Variants in NLRP5 observed in about 807,000 individuals in gnomAD.
NLRP5 encodes NACHT, LRR and PYD domains-containing protein 5.
Under a neutral mutation model 113.1 loss-of-function variants are expected in NLRP5, and 93 were observed. That is an observed-to-expected ratio of 0.82 (90% confidence interval 0.70 to 0.98). The LOEUF (loss-of-function observed/expected upper bound fraction) is 0.98, where lower values mean the gene tolerates loss of function less well. NLRP5 is among the 50% of genes least tolerant of loss of function. The pLI, the probability that NLRP5 is intolerant of heterozygous loss-of-function variation, is 0.00. For missense variants in NLRP5, 1,808 were observed against 1,514.3 expected (o/e 1.19, Z -3.22); for synonymous variants, 751 against 600.7 (o/e 1.25, Z -3.66).
rs1158853254 is a variant in NLRP5, at chr19:56,058,223, G to C, written c.3300-17G>C. On this transcript the variant is annotated splice_polypyrimidine_tract_variant and intron_variant, in intron 13 of 14. Coordinates refer to ENST00000390649, the MANE Select transcript of NLRP5 (RefSeq NM_153447.4). ...ATCGATCTTTGGGGTTATTTTCTGGGTGTCCTGACCCTGCAGGTTGAAGGC... is the reference window on the plus strand; with the variant it reads ...ATCGATCTTTGGGGTTATTTTCTGGCTGTCCTGACCCTGCAGGTTGAAGGC... 1 of 1,597,094 alleles carries C rather than the reference G, an allele frequency of 6.3e-7. No individual in the cohort carries two copies. The highest frequency in any genetic ancestry group is 1.3e-5 in the African/African-American group (1 of 74,430).
chr19:55,992,855 CTTT>C, the NLRP5 span, among the ~76,000 whole-genome samples: 1 of 149,968 alleles, frequency 6.7e-6, no homozygotes, highest in African/African-American at 2.5e-5. Flanking sequence ...TTTATGGAGA[CTTT>C]TTTTTTTTGA....
chr19:56,009,653 C>T (rs1012610222), intron 3 of NLRP5, among the ~76,000 whole-genome samples: 3 of 152,114 alleles, frequency 2.0e-5, no homozygotes, highest in Admixed American at 1.3e-4. Flanking sequence ...ACTAAGATGA[C>T]ACAAGGGAAG....
rs770270582 is a variant in NLRP5 at position 56,003,836 on chromosome 19, C to T, written c.183C>T (p.Ser61=). 8.1e-6 allele frequency: 13 copies of T among 1,613,874 alleles called. No individual in the cohort carries two copies. Among genetic ancestry groups the T allele is most frequent in the Non-Finnish European group, 1.0e-5 (12 of 1,179,904 alleles). ...AAGGAGACAAATCGCTCACCTTTTC[C>T]AGCTACGGGCTGCAATGGTGTCTCT... is the stretch of plus-strand genomic sequence containing the variant. Residue 61 remains serine, a synonymous_variant, in exon 2 of 15, where the codon TCC becomes TCT. Coordinates refer to ENST00000390649, the MANE Select transcript of NLRP5 (RefSeq NM_153447.4).
chr19:55,994,730 C>G (rs891779443), upstream of NLRP5, among the ~76,000 whole-genome samples: 4 of 152,192 alleles, frequency 2.6e-5, no homozygotes, highest in South Asian at 8.3e-4. Flanking sequence ...ATTTCCTTTG[C>G]TGTACAGAAG....
At chr19:56,059,220 C>G (rs1984264908) in intron 14 of NLRP5, among the ~76,000 whole-genome samples, 1 of 152,212 alleles carries the variant, frequency 6.6e-6, no homozygotes, top group African/African-American at 2.4e-5. Flanking sequence ...ATCATTTCAG[C>G]TTCCCCTCTC....
Position 56,061,569 on chromosome 19 carries a change from G to C in NLRP5, c.*41G>C. 1 of 1,611,050 alleles carries C rather than the reference G, an allele frequency of 6.2e-7. No homozygotes were observed. The highest frequency in any genetic ancestry group is 8.5e-7 in the Non-Finnish European group (1 of 1,177,988). ...CCCCACTCACACCCATCTGATGGAG[G>C]AACTTTAAACGCTGTTTTCTCAGAG... On this transcript the variant is annotated 3_prime_UTR_variant, in exon 15 of 15. Transcript: ENST00000390649.
chr19:56,040,993 T>A lies in NLRP5; in HGVS notation c.2858T>A (p.Leu953Ter). The change falls in exon 11 of 15, where the codon TTG becomes TAG. Residue 953 changes from leucine (L) to a stop codon, truncating the protein, a stop_gained. Coordinates refer to ENST00000390649, the MANE Select transcript of NLRP5 (RefSeq NM_153447.4). LOFTEE classifies it high-confidence loss of function. ...TCAGCCCTCGTCAGCAACCGGAGCT[T>A]GACACACCTGTGCCTATCCAACAAC... The A allele has an allele frequency of 6.2e-7, 1 of 1,613,920 alleles. No individual in the cohort carries two copies. Among genetic ancestry groups the A allele is most frequent in the South Asian group, 1.1e-5 (1 of 91,078 alleles).
chr19:56,032,892 A>G (rs911046936), intron 8 of NLRP5, 111 bp downstream of exon 8: 7 of 1,063,974 alleles, frequency 6.6e-6, no homozygotes, highest in Non-Finnish European at 9.5e-6. Flanking sequence ...CTGAGGGCAT[A>G]AGTGCCACCA....
Position 56,020,283 on chromosome 19 carries a change from T to C in NLRP5, c.623-92T>C, listed in dbSNP as rs55999575. ...GTCATGTTTTCAACTGGCCAGAAAA[T>C]AAATATGGCATGACTAAGCTTATCT... is the stretch of plus-strand genomic sequence containing the variant. On this transcript the variant is annotated intron_variant, in intron 5 of 14. Coordinates refer to ENST00000390649, the MANE Select transcript of NLRP5 (RefSeq NM_153447.4). 5.3e-3 allele frequency: 7,907 copies of C among 1,488,074 alleles called. 367 individuals are homozygous for C. The African/African-American group carries it at 0.098, about 18-fold the overall frequency. 92.2% of individuals were successfully genotyped at this position (1,488,074 alleles called of 1,614,324 possible).
Position 56,041,092 on chromosome 19 carries a change from T to A in NLRP5, c.2957T>A (p.Met986Lys), listed in dbSNP as rs200615684. The change falls in exon 11 of 15, where the codon ATG (methionine) becomes AAG (lysine). Residue 986 changes from methionine (M) to lysine (K), a missense_variant and splice_region_variant. Coordinates refer to ENST00000390649, the MANE Select transcript of NLRP5 (RefSeq NM_153447.4). ...CCCCACTGTAGTCTGCAGAGGCTGA[T>A]GTGAGTCTGGCTTGCTCCCCTGCAA... 2.5e-6 allele frequency: 4 copies of A among 1,613,642 alleles called. No individual in the cohort carries two copies. Among genetic ancestry groups the A allele is most frequent in the African/African-American group, 1.3e-5 (1 of 74,936 alleles).
chr19:56,057,329 CCATTATTATATT>C (rs1984193529), intron 13 of NLRP5, among the ~76,000 whole-genome samples: 1 of 152,070 alleles, frequency 6.6e-6, no homozygotes. Context: ...CTATAAAATG[CCATTATTATATT>C]CAATGAGGTC....
rs138704717 is a variant in NLRP5 at position 56,011,451 on chromosome 19, T to G, written c.508+2598T>G. Reference sequence around the variant, plus strand: ...CAATGTGAATATTCTCAATCATGATTGCACACTTTCAATGGGTGAATTGTA... The same window carrying G: ...CAATGTGAATATTCTCAATCATGATGGCACACTTTCAATGGGTGAATTGTA... On this transcript the variant is annotated intron_variant, in intron 3 of 14. Coordinates refer to ENST00000390649, the MANE Select transcript of NLRP5 (RefSeq NM_153447.4). 9.0e-3 allele frequency among the ~76,000 whole-genome samples: 1,365 copies of G among 152,262 alleles called. 18 individuals are homozygous for G. Among genetic ancestry groups the G allele is most frequent in the African/African-American group, 0.031 (1,280 of 41,542 alleles).
At chr19:56,036,224 C>A (rs746876449) in intron 9 of NLRP5, among the ~76,000 whole-genome samples, 1 of 151,564 alleles carries the variant, frequency 6.6e-6, no homozygotes, top group Non-Finnish European at 1.5e-5. Context: ...CCACCACGCC[C>A]GGCTAATTTT....
intron 11 of NLRP5, among the ~76,000 whole-genome samples, chr19:56,046,765 C>A (rs1370470552): frequency 6.6e-6 from 1 of 152,148 alleles, no homozygotes; most frequent in African/African-American, 2.4e-5. Flanking sequence ...ATCTCCTGAC[C>A]TCGTGATCTG....
At chr19:56,045,013 G>A (rs1024828029) in intron 11 of NLRP5, among the ~76,000 whole-genome samples, 1 of 152,150 alleles carries the variant, frequency 6.6e-6, no homozygotes, top group African/African-American at 2.4e-5. Context: ...TTGATTCTCC[G>A]CTTGGTTGCT....
intron 6 of NLRP5, among the ~76,000 whole-genome samples, chr19:56,022,677 G>C (rs908567440): frequency 6.6e-6 from 1 of 152,116 alleles, no homozygotes; most frequent in Non-Finnish European, 1.5e-5. Flanking sequence ...TTATCACTTA[G>C]AAAAAACCTA....
intron 6 of NLRP5, among the ~76,000 whole-genome samples, chr19:56,025,021 A>T (rs1367848304): frequency 2.1e-5 from 3 of 144,424 alleles, no homozygotes; most frequent in African/African-American, 7.8e-5. Context: ...CCTATTGTGA[A>T]CTGCACATGT....
intron 2 of NLRP5, 33 bp downstream of exon 2, chr19:56,004,128 G>A: frequency 2.6e-6 from 4 of 1,557,586 alleles, no homozygotes; most frequent in Non-Finnish European, 3.5e-6. Flanking sequence ...CTAGGGCAGG[G>A]AGGGGAGGTG....
chr19:56,041,195 A>G, intron 11 of NLRP5, 103 bp downstream of exon 11: 1 of 1,066,044 alleles, frequency 9.4e-7, no homozygotes, highest in Non-Finnish European at 1.4e-6. Context: ...GGACATCATC[A>G]CATGAAGGGA....
Sources: allele counts gnomAD v4.1 joint callset (sites outside exome capture counted in the v4.1 genomes callset), GRCh38; gene constraint gnomAD v4.1.1; transcripts MANE v1.5; gene names NCBI Gene and HGNC (gene_info 2026-07-23, HGNC 2026-07-21).